The following TMEM232 variants were observed in gnomAD, a reference collection of about 807,000 sequenced individuals.
TMEM232 encodes transmembrane protein 232.
A neutral mutation model predicts 78.8 loss-of-function variants in TMEM232; 80 were observed. The ratio of observed to expected loss-of-function variants is 1.01; its 90% confidence interval spans 0.85 to 1.22. TMEM232 has a LOEUF of 1.22. TMEM232 is among the 50% of genes most tolerant of loss of function. The pLI, the probability that TMEM232 is intolerant of heterozygous loss-of-function variation, is 0.00. For synonymous variants in TMEM232, 297 were observed against 254.3 expected (o/e 1.17, Z -1.60); for missense variants, 881 against 742.2 (o/e 1.19, Z -2.17).
At chr5:110,628,482 T>C (rs1363940019) in intron 5 of TMEM232, among the ~76,000 whole-genome samples, 2 of 152,066 alleles carry the variant, frequency 1.3e-5, no homozygotes, top group Non-Finnish European at 1.5e-5. Context: ...ATCTTACTTC[T>C]GTAAGATTAG....
rs375694258 is a variant in TMEM232 at position 110,391,584 on chromosome 5, T to C, written n.391-944A>G. Among the ~76,000 whole-genome samples, 116 of 152,214 alleles carry C rather than the reference T, an allele frequency of 7.6e-4. No homozygotes were observed. In the Middle Eastern group the frequency reaches 0.01, roughly 13 times the overall value. Reference sequence around the variant, plus strand: ...AGCATGCTGAAGTAAGATTGGATCATAGGTTAAGTAATAAGAATGAAGTTA... The same window carrying C: ...AGCATGCTGAAGTAAGATTGGATCACAGGTTAAGTAATAAGAATGAAGTTA... On this transcript the variant is annotated intron_variant and non_coding_transcript_variant, in intron 3 of 8. Coordinates refer to the TMEM232 transcript ENST00000507188.
At chr5:110,412,673 G>A (rs573207454) in intron 2 of TMEM232, among the ~76,000 whole-genome samples, 2 of 151,902 alleles carry the variant, frequency 1.3e-5, no homozygotes, top group South Asian at 4.2e-4. Flanking sequence ...AAAATTTTCA[G>A]ACCCCTGACT....
At chr5:110,619,267 T>A (rs115337962) in intron 7 of TMEM232, among the ~76,000 whole-genome samples, 1 of 152,164 alleles carries the variant, frequency 6.6e-6, no homozygotes, top group African/African-American at 2.4e-5. Flanking sequence ...ACACTTAGAA[T>A]CTAAAGGGCT....
intron 12 of TMEM232, 61 bp from the exon 13 acceptor site, chr5:110,424,977 T>A (rs1757081261): frequency 8.5e-7 from 1 of 1,178,256 alleles, no homozygotes; most frequent in African/African-American, 1.6e-5. Flanking sequence ...TCCCCAGAAA[T>A]AGAATTGTAA....
chr5:110,434,280 G>C (rs1758171861), intron 12 of TMEM232, among the ~76,000 whole-genome samples: 1 of 150,444 alleles, frequency 6.6e-6, no homozygotes, highest in Non-Finnish European at 1.5e-5. Flanking sequence ...AATGACAAAA[G>C]GTGACATTGC....
intron 1 of TMEM232, among the ~76,000 whole-genome samples, chr5:110,718,850 A>G (rs139560160): frequency 1.3e-5 from 2 of 152,076 alleles, no homozygotes; most frequent in Non-Finnish European, 2.9e-5. Context: ...AAGTACACTG[A>G]TTATTTAGCC....
chr5:110,650,194 TA>T (rs1259812877), intron 2 of TMEM232, among the ~76,000 whole-genome samples: 11 of 152,030 alleles, frequency 7.2e-5, no homozygotes, highest in Non-Finnish European at 1.5e-4. Flanking sequence ...TTTATATTTA[TA>T]TATGATTTTA....
At chr5:110,688,078 C>T (rs1793647534) in intron 1 of TMEM232, among the ~76,000 whole-genome samples, 1 of 137,260 alleles carries the variant, frequency 7.3e-6, no homozygotes. Flanking sequence ...GTTTGTACTT[C>T]TCTACTCTGA....
At chr5:110,440,366 T>C (rs1758894772) in intron 12 of TMEM232, among the ~76,000 whole-genome samples, 1 of 152,196 alleles carries the variant, frequency 6.6e-6, no homozygotes, top group Admixed American at 6.6e-5. Context: ...CACTGCTTTC[T>C]GTACGCCACT....
intron 12 of TMEM232, among the ~76,000 whole-genome samples, chr5:110,495,151 C>T (rs1385022399): frequency 6.6e-6 from 1 of 151,114 alleles, no homozygotes; most frequent in Non-Finnish European, 1.5e-5. Context: ...AAATAGAAGC[C>T]TCAAAAATTG....
At chr5:110,573,133 T>C (rs901555410) in intron 10 of TMEM232, among the ~76,000 whole-genome samples, 2 of 152,226 alleles carry the variant, frequency 1.3e-5, no homozygotes, top group South Asian at 4.1e-4. Flanking sequence ...ACCACCACTG[T>C]ACTTGAAAAT....
At chr5:110,737,218 C>T (rs1018668924) in intron 1 of TMEM232, among the ~76,000 whole-genome samples, 2 of 151,994 alleles carry the variant, frequency 1.3e-5, no homozygotes, top group Non-Finnish European at 2.9e-5. Flanking sequence ...GAGATAGGTG[C>T]TTAATAAATA....
chr5:110,601,824 G>A (rs1326579701), intron 10 of TMEM232, among the ~76,000 whole-genome samples: 2 of 152,118 alleles, frequency 1.3e-5, no homozygotes, highest in African/African-American at 2.4e-5. Context: ...CCAAAAAAGA[G>A]TTTGTATAGC....
At chr5:110,714,912 G>C (rs1796866960) in intron 1 of TMEM232, among the ~76,000 whole-genome samples, 1 of 152,154 alleles carries the variant, frequency 6.6e-6, no homozygotes, top group South Asian at 2.1e-4. Flanking sequence ...ATGCTGGGGT[G>C]ATTTTAGGAG....
chr5:110,480,704 T>C (rs1763765573), intron 12 of TMEM232, among the ~76,000 whole-genome samples: 1 of 152,080 alleles, frequency 6.6e-6, no homozygotes, highest in South Asian at 2.1e-4. Context: ...GATGATTCTA[T>C]TTTATACTAT....
chr5:110,539,293 G>C (rs922969102), intron 11 of TMEM232, among the ~76,000 whole-genome samples: 1 of 152,098 alleles, frequency 6.6e-6, no homozygotes, highest in Non-Finnish European at 1.5e-5. Context: ...CTTACCCATC[G>C]ACTCTTAAAA....
chr5:110,425,448 T>C (rs1456696847), intron 12 of TMEM232, among the ~76,000 whole-genome samples: 1 of 152,056 alleles, frequency 6.6e-6, no homozygotes, highest in Non-Finnish European at 1.5e-5. Flanking sequence ...AATACAGTGA[T>C]AGAAGGTGGT....
At chr5:110,523,986 T>TGGGGG in intron 12 of TMEM232, among the ~76,000 whole-genome samples, 1 of 25,866 alleles carries the variant, frequency 3.9e-5, no homozygotes, top group Non-Finnish European at 7.6e-5. Flanking sequence ...GCGGGGGGGC[T>TGGGGG]GGGCCTGGTG....
chr5:110,528,656 CT>C lies in TMEM232; in HGVS notation c.1634del (p.Lys545ArgfsTer14). 2 of 1,533,894 alleles carry C rather than the reference CT, an allele frequency of 1.3e-6. No individual in the cohort carries two copies. Among genetic ancestry groups the C allele is most frequent in the East Asian group, 2.5e-5 (1 of 40,698 alleles). ...FLPLKKPSIKKDQTKYPNKKL... is the reference protein window; with the variant it reads ...FLPLKKPSIKXDQTKYPNKKL... ...TTTTATTTGGATATTTTGTTTGATC[CT>C]TTTTTATTGATGGTTTCTTCAAAGG... On this transcript the variant is annotated frameshift_variant, in exon 12 of 14. Transcript: ENST00000455884. LOFTEE classifies it high-confidence loss of function.
Sources: allele counts gnomAD v4.1 joint callset (sites outside exome capture counted in the v4.1 genomes callset), GRCh38; gene constraint gnomAD v4.1.1; transcripts MANE v1.5; gene names NCBI Gene and HGNC (gene_info 2026-07-23, HGNC 2026-07-21).